The following SCML4 variants were observed in gnomAD, a reference collection of about 807,000 sequenced individuals.
SCML4 encodes sex comb on midleg-like protein 4.
Under a neutral mutation model 41.1 loss-of-function variants are expected in SCML4, and 34 were observed. The observed-to-expected ratio is 0.83, with a 90% CI of 0.63 to 1.10. SCML4 has a LOEUF of 1.10. SCML4 is among the 50% of genes least tolerant of loss of function. The probability of loss-of-function intolerance (pLI) is 0.00; values close to 1 mark genes in which losing one functional copy is unlikely to be tolerated. For synonymous variants in SCML4, 214 were observed against 220.9 expected, an observed-to-expected ratio of 0.97 and a Z score of 0.28; for missense variants, 522 against 534.1, an observed-to-expected ratio of 0.98 and a Z score of 0.22.
At chr6:107,759,132 C>CAAAAAAAAAAAAAAAAAAACCACAAAAAA (rs1779344458) in intron 2 of SCML4, among the ~76,000 whole-genome samples, 1 of 88,220 alleles carries the variant, frequency 1.1e-5, no homozygotes, top group Non-Finnish European at 2.1e-5. Flanking sequence ...ACAAAAAATA[C>CAAAAAAAAAAAAAAAAAAACCACAAAAAA]AAAAAAAAAA....
rs1773489913 is a variant in SCML4 at position 107,705,272 on chromosome 6, G to A, written c.1173C>T (p.Tyr391=). 1 of 1,551,274 alleles carries A rather than the reference G, an allele frequency of 6.4e-7. No homozygotes were observed. Among genetic ancestry groups the A allele is most frequent in the Non-Finnish European group, 8.7e-7 (1 of 1,146,456 alleles). The part of the protein sequence containing the change: ...LLLKSDMVMK[Y]LGLKLGPALK... ...GTGCAGGTCCCAGCTTCAGGCCCAG[G>A]TACTTCATGACCATGTCACTCTTCA... Residue 391 remains tyrosine, a synonymous_variant, in exon 8 of 8, where the codon TAC becomes TAT. Transcript: ENST00000369020.
the SCML4 span, among the ~76,000 whole-genome samples, chr6:107,834,513 T>A: frequency 6.6e-6 from 1 of 152,120 alleles, no homozygotes; most frequent in Non-Finnish European, 1.5e-5. Flanking sequence ...TTACACACAC[T>A]GAAGTGGGGT....
intron 1 of SCML4, among the ~76,000 whole-genome samples, chr6:107,781,584 C>G (rs1781500231): frequency 6.6e-6 from 1 of 151,742 alleles, no homozygotes; most frequent in Admixed American, 6.6e-5. Context: ...AAAGTTGACA[C>G]TGCCGTAGCT....
At chr6:107,815,477 A>C (rs1335321493) in intron 1 of SCML4, among the ~76,000 whole-genome samples, 1 of 152,250 alleles carries the variant, frequency 6.6e-6, no homozygotes, top group African/African-American at 2.4e-5. Flanking sequence ...TGCATAAATC[A>C]AAGGAAGACT....
chr6:107,818,168 G>T (rs979451021), intron 1 of SCML4, among the ~76,000 whole-genome samples: 2 of 152,108 alleles, frequency 1.3e-5, no homozygotes, highest in Non-Finnish European at 2.9e-5. Context: ...TGCAAATGAG[G>T]TCTTAAAAGT....
intron 5 of SCML4, among the ~76,000 whole-genome samples, chr6:107,733,398 G>C (rs1031758974): frequency 2.6e-5 from 4 of 152,162 alleles, no homozygotes; most frequent in African/African-American, 4.8e-5. Flanking sequence ...ATGTTTGTTT[G>C]TTGTAGTTTT....
chr6:107,711,003 T>C (rs1341446446), intron 6 of SCML4, among the ~76,000 whole-genome samples: 1 of 62,052 alleles, frequency 1.6e-5, no homozygotes, highest in Non-Finnish European at 3.4e-5. Context: ...ATGGTTTCCC[T>C]GGTGTCCCTG....
chr6:107,706,810 A>G (rs1773682392), intron 7 of SCML4, among the ~76,000 whole-genome samples: 1 of 152,128 alleles, frequency 6.6e-6, no homozygotes, highest in Non-Finnish European at 1.5e-5. Flanking sequence ...GCTTGATGTT[A>G]CAGGCTTTAA....
At chr6:107,780,276 G>GA (rs1386743731) in intron 1 of SCML4, among the ~76,000 whole-genome samples, 2 of 151,792 alleles carry the variant, frequency 1.3e-5, no homozygotes, top group South Asian at 2.1e-4. Flanking sequence ...CTGTTAAAGT[G>GA]AAAAAAAATA....
chr6:107,825,463 A>C (rs1785213838), upstream of SCML4, among the ~76,000 whole-genome samples: 1 of 152,262 alleles, frequency 6.6e-6, no homozygotes, highest in Non-Finnish European at 1.5e-5. Context: ...TATTATGAAA[A>C]TATAAAAAAT....
chr6:107,715,523 T>C, intron 6 of SCML4, among the ~76,000 whole-genome samples: 1 of 151,960 alleles, frequency 6.6e-6, no homozygotes, highest in East Asian at 1.9e-4. Flanking sequence ...CAGTGTGTCT[T>C]GTTAAATGCC....
intron 2 of SCML4, among the ~76,000 whole-genome samples, chr6:107,751,298 G>A (rs1436643938): frequency 6.6e-6 from 1 of 152,186 alleles, no homozygotes; most frequent in Non-Finnish European, 1.5e-5. Context: ...CATTTCTTGG[G>A]TGAAATTGTA....
intron 7 of SCML4, among the ~76,000 whole-genome samples, chr6:107,707,137 C>G (rs1034620801): frequency 6.6e-6 from 1 of 152,078 alleles, no homozygotes; most frequent in African/African-American, 2.4e-5. Context: ...CCAGTCTCTA[C>G]TAAAAATATA....
intron 1 of SCML4, among the ~76,000 whole-genome samples, chr6:107,792,188 C>A (rs957884353): frequency 1.3e-5 from 2 of 152,166 alleles, no homozygotes; most frequent in African/African-American, 4.8e-5. Flanking sequence ...ACTAATGAGA[C>A]ACCACCCAGG....
At chr6:107,707,421 T>A (rs1224924545) in intron 7 of SCML4, among the ~76,000 whole-genome samples, 2 of 152,234 alleles carry the variant, frequency 1.3e-5, no homozygotes, top group African/African-American at 4.8e-5. Flanking sequence ...AAAATCATTA[T>A]AATGCTATCT....
intron 1 of SCML4, among the ~76,000 whole-genome samples, chr6:107,788,386 C>G (rs1012446072): frequency 2.0e-5 from 3 of 152,222 alleles, no homozygotes; most frequent in East Asian, 3.9e-4. Context: ...ATTGGTAAAC[C>G]CTGTGTGATA....
At chr6:107,784,617 C>T (rs1179223280) in intron 1 of SCML4, among the ~76,000 whole-genome samples, 1 of 152,132 alleles carries the variant, frequency 6.6e-6, no homozygotes, top group African/African-American at 2.4e-5. Context: ...TTTTTCTCTG[C>T]ATACTCTTTT....
chr6:107,818,579 C>T (rs910344140), intron 1 of SCML4, among the ~76,000 whole-genome samples: 12 of 152,236 alleles, frequency 7.9e-5, no homozygotes, highest in Non-Finnish European at 1.5e-4. Flanking sequence ...TCAGCCTCTT[C>T]TTTGGAAGGC....
the SCML4 span, among the ~76,000 whole-genome samples, chr6:107,833,666 C>T: frequency 6.6e-6 from 1 of 152,078 alleles, no homozygotes; most frequent in African/African-American, 2.4e-5. Flanking sequence ...AGGCTTCCCC[C>T]AGTTTGTGAG....
Sources: allele counts gnomAD v4.1 joint callset (sites outside exome capture counted in the v4.1 genomes callset), GRCh38; gene constraint gnomAD v4.1.1; transcripts MANE v1.5; gene names NCBI Gene and HGNC (gene_info 2026-07-23, HGNC 2026-07-21).